Variants in MGAT5B observed in about 807,000 individuals in gnomAD.
MGAT5B encodes the protein N-acetylglucosaminyl-transferase Vb.
MGAT5B carries 54 observed loss-of-function variants against 95.1 expected under a neutral mutation model. That is an observed-to-expected ratio of 0.57 (90% CI 0.46 to 0.71). The LOEUF (loss-of-function observed/expected upper bound fraction) is 0.71, where lower values mean the gene tolerates loss of function less well. Ranked by LOEUF, MGAT5B falls within the 30% of genes least tolerant of loss-of-function variation. The pLI is 0.00. For synonymous variants in MGAT5B, 464 were observed against 451.0 expected (o/e 1.03, Z -0.36); for missense variants, 935 against 1,088.6 (o/e 0.86, Z 1.99).
rs12452847 is a variant in MGAT5B at position 76,881,970 on chromosome 17, G to A, written c.182-181G>A. ...CCGCCACGATGCTGTTCTCTGCACC[G>A]CAAAGCAATGCAGCAAAAGGGTCAG... On this transcript the variant is annotated intron_variant, in intron 2 of 17. Transcript: ENST00000569840. 6.6e-3 allele frequency among the ~76,000 whole-genome samples: 1,012 copies of A among 152,370 alleles called. 15 individuals are homozygous for A. The highest frequency in any genetic ancestry group is 0.023 in the African/African-American group (967 of 41,594).
intron 3 of MGAT5B, among the ~76,000 whole-genome samples, chr17:76,893,496 A>G (rs1434309507): frequency 6.6e-6 from 1 of 152,206 alleles, no homozygotes; most frequent in African/African-American, 2.4e-5. Context: ...AAATGCATGT[A>G]ACAAAGACAT....
intron 8 of MGAT5B, among the ~76,000 whole-genome samples, chr17:76,910,352 G>A (rs1176953846): frequency 6.6e-6 from 1 of 152,230 alleles, no homozygotes; most frequent in African/African-American, 2.4e-5. Flanking sequence ...GAACGCTGCA[G>A]AGGCAGTTAA....
intron 10 of MGAT5B, among the ~76,000 whole-genome samples, chr17:76,928,518 A>T (rs1969385513): frequency 6.6e-6 from 1 of 152,062 alleles, no homozygotes; most frequent in African/African-American, 2.4e-5. Context: ...CAGCCTGGCC[A>T]ACATGGTGAA....
At chr17:76,943,034 G>T (rs541287157) in intron 15 of MGAT5B, among the ~76,000 whole-genome samples, 2 of 129,484 alleles carry the variant, frequency 1.5e-5, no homozygotes, top group East Asian at 4.9e-4. Flanking sequence ...GGGATAACTT[G>T]CCCCCCCGGG....
Position 76,940,958 on chromosome 17 carries a change from G to A in MGAT5B, c.1848+110G>A, listed in dbSNP as rs925882552. On this transcript the variant is annotated intron_variant, in intron 15 of 17. Coordinates refer to ENST00000569840, the MANE Select transcript of MGAT5B (RefSeq NM_001199172.2). This position sits in a 1 kb window ranked among gnomAD's most constrained non-coding sequence, Gnocchi z 4.3. ...GGGTGAGTTCAGACTTGCAGGCCTG[G>A]GTTGGCAAAGGTGTCCATCCCTCCC... 2.0e-5 allele frequency: 17 copies of A among 834,464 alleles called. No homozygotes were observed. In the Admixed American group the frequency reaches 3.3e-4, roughly 16 times the overall value. The allele number at this position is 834,464 out of a possible 1,614,324, so 51.7% of individuals were successfully genotyped here. A position where few individuals can be genotyped will look rare whatever the true frequency, so the allele number is the denominator to read the frequency against.
chr17:76,883,883 C>T (rs983539883), intron 3 of MGAT5B, among the ~76,000 whole-genome samples: 2 of 152,172 alleles, frequency 1.3e-5, no homozygotes, highest in Non-Finnish European at 2.9e-5. Flanking sequence ...TGGAGGGATG[C>T]CTGCCTGAGT....
rs143333190 is a variant in MGAT5B, at chr17:76,917,166, A to G, written c.1026-7800A>G. Among the ~76,000 whole-genome samples the G allele has an allele frequency of 2.0e-5, 3 of 152,290 alleles. No individual in the cohort carries two copies. The East Asian group carries it at 5.8e-4, about 29-fold the overall frequency. ...ATTTTGCACACCAACCATCACTGCA[A>G]ATATATTCAGCACACACAGGCCAGT... On this transcript the variant is annotated intron_variant, in intron 8 of 17. Transcript: ENST00000569840. The surrounding 1 kb of genome is among the most constrained non-coding windows in gnomAD (Gnocchi z 6.1).
At chr17:76,881,458 T>C (rs942609435) in intron 2 of MGAT5B, among the ~76,000 whole-genome samples, 7 of 151,846 alleles carry the variant, frequency 4.6e-5, no homozygotes, top group Non-Finnish European at 8.8e-5. Flanking sequence ...GGGGAAGAGA[T>C]GGAGTTAGGG....
At chr17:76,885,034 G>A (rs1967572558) in intron 3 of MGAT5B, among the ~76,000 whole-genome samples, 1 of 152,134 alleles carries the variant, frequency 6.6e-6, no homozygotes, top group African/African-American at 2.4e-5. Flanking sequence ...CACTGTGCCT[G>A]GGCTACTGGA....
At chr17:76,880,195 TC>T (rs758968155) in intron 2 of MGAT5B, among the ~76,000 whole-genome samples, 2 of 151,862 alleles carry the variant, frequency 1.3e-5, no homozygotes, top group Non-Finnish European at 2.9e-5. Context: ...GCCCGCCACA[TC>T]CCCCCTGCTC....
chr17:76,883,033 C>T (rs1237408439), intron 3 of MGAT5B, among the ~76,000 whole-genome samples: 2 of 151,090 alleles, frequency 1.3e-5, no homozygotes, highest in Non-Finnish European at 2.9e-5. Flanking sequence ...TTGAGACACT[C>T]TTACTCTGGG....
intron 12 of MGAT5B, among the ~76,000 whole-genome samples, chr17:76,936,733 G>A (rs984458206): frequency 2.0e-5 from 3 of 152,098 alleles, no homozygotes; most frequent in Non-Finnish European, 4.4e-5. Flanking sequence ...CACCTTTGTC[G>A]AAAATCAGTT....
chr17:76,939,794 TAATTC>T (rs1386749001), intron 13 of MGAT5B, among the ~76,000 whole-genome samples: 6 of 152,358 alleles, frequency 3.9e-5, no homozygotes, highest in African/African-American at 1.4e-4. Context: ...GTTCCAGCTT[TAATTC>T]ACTTAGGATA....
Position 76,869,156 on chromosome 17 carries a change from G to A in MGAT5B, c.68+59G>A, listed in dbSNP as rs1006618155. The A allele has an allele frequency of 6.7e-7, 1 of 1,483,898 alleles. No individual in the cohort carries two copies. Among genetic ancestry groups the A allele is most frequent in the Admixed American group, 1.7e-5 (1 of 59,732 alleles). The allele number at this position is 1,483,898 out of a possible 1,614,324, so 91.9% of individuals were successfully genotyped here. On this transcript the variant is annotated intron_variant, in intron 1 of 17. Transcript: ENST00000569840. This position sits in a 1 kb window ranked among gnomAD's most constrained non-coding sequence, Gnocchi z 7.0. ...GGGGGCGCCGGGTGGAGGTGGGCGA[G>A]GTCGGTTCCTGCGAACGTTCAAGTC...
intron 12 of MGAT5B, 145 bp from the exon 13 acceptor site, chr17:76,937,843 C>A (rs890140675): frequency 1.2e-6 from 1 of 858,810 alleles, no homozygotes; most frequent in African/African-American, 1.7e-5. Flanking sequence ...AGGGGCGGGG[C>A]CTTTCCCAGT....
chr17:76,923,665 A>AC (rs1293210945), intron 8 of MGAT5B, among the ~76,000 whole-genome samples: 1 of 152,064 alleles, frequency 6.6e-6, no homozygotes, highest in Non-Finnish European at 1.5e-5. Context: ...CTGCTCCAGC[A>AC]CCCCCAGGTG....
At chr17:76,913,634 C>T (rs1323943221) in intron 8 of MGAT5B, 1 of 491,970 alleles carries the variant, frequency 2.0e-6, no homozygotes, top group Non-Finnish European at 4.1e-6. Context: ...GGGGCACAGA[C>T]TTGGGAAATA....
At position 76,870,198 on chromosome 17, in the gene MGAT5B, G is replaced by C. The variant is rs370121888; in HGVS notation, c.68+1101G>C. Among the ~76,000 whole-genome samples the C allele has an allele frequency of 6.6e-6, 1 of 152,190 alleles. No homozygotes were observed. The highest frequency in any genetic ancestry group is 2.1e-4 in the South Asian group (1 of 4,830). On this transcript the variant is annotated intron_variant, in intron 1 of 17. Transcript: ENST00000569840. The surrounding 1 kb of genome is among the most constrained non-coding windows in gnomAD (Gnocchi z 5.0). ...GCCGGCTCCAGACGGGGATGGGGGC[G>C]GGGAGACGGTGGCTCACCTGGAGCC... is the stretch of plus-strand genomic sequence containing the variant.
rs1431165137 is a variant in MGAT5B, at chr17:76,917,635, T to C, written c.1026-7331T>C. ...GATGCAGGGGCTGCGTCTTAGCTTTTGGCCCTCATCTCCCACTGAGACTGC... is the reference window on the plus strand; with the variant it reads ...GATGCAGGGGCTGCGTCTTAGCTTTCGGCCCTCATCTCCCACTGAGACTGC... On this transcript the variant is annotated intron_variant, in intron 8 of 17. Transcript: ENST00000569840. The surrounding 1 kb of genome is among the most constrained non-coding windows in gnomAD (Gnocchi z 6.1). 5.9e-5 allele frequency among the ~76,000 whole-genome samples: 9 copies of C among 152,150 alleles called. No homozygotes were observed. The highest frequency in any genetic ancestry group is 2.2e-4 in the African/African-American group (9 of 41,428).
Sources: gnomAD v4.1 joint callset for allele counts (sites outside exome capture counted in the v4.1 genomes callset) on GRCh38, gnomAD v4.1.1 for gene constraint, Gnocchi (gnomAD v3.1) non-coding constraint, MANE v1.5 for transcripts, NCBI Gene and HGNC (gene_info 2026-07-23, HGNC 2026-07-21) for gene names.